Variants in COL6A5 observed in about 807,000 individuals in gnomAD.
COL6A5 encodes collagen alpha-5(VI) chain.
Under a neutral mutation model 65.6 loss-of-function variants are expected in COL6A5, and 48 were observed. The observed-to-expected ratio is 0.73, with a 90% confidence interval of 0.58 to 0.93. The LOEUF is 0.93. Among genes scored for constraint, COL6A5 ranks in the 40% least tolerant of loss-of-function variants. The pLI is 0.00. For synonymous variants in COL6A5, 291 were observed against 322.8 expected (o/e 0.90, Z 1.05); for missense variants, 914 against 928.3 (o/e 0.98, Z 0.20).
intron 7 of COL6A5, among the ~76,000 whole-genome samples, chr3:130,471,386 TG>T (rs2107616878): frequency 6.6e-6 from 1 of 152,188 alleles, no homozygotes; most frequent in South Asian, 2.1e-4. Context: ...ATATGAAGAT[TG>T]GCAGGAAGGA....
intron 4 of COL6A5, among the ~76,000 whole-genome samples, chr3:130,450,597 AACGCATGG>A (rs753880940): frequency 2.3e-4 from 35 of 152,170 alleles, no homozygotes; most frequent in Admixed American, 1.0e-3. Context: ...CGTTGGACAG[AACGCATGG>A]CCATTTTACA....
chr3:130,416,808 T>C (rs372727175), exon 24 of COL6A5: 4 of 1,515,818 alleles, frequency 2.6e-6, no homozygotes, highest in Non-Finnish European at 3.5e-6. Flanking sequence ...ACCTGGACTT[T>C]TGGGGAAAAA....
intron 13 of COL6A5, 67 bp downstream of exon 13, chr3:130,403,729 AAACAC>A: frequency 8.6e-7 from 1 of 1,163,544 alleles, no homozygotes; most frequent in Non-Finnish European, 1.2e-6. Context: ...ACACACACAC[AAACAC>A]ACACTTATTT....
chr3:130,394,932 G>T, exon 8 of COL6A5: 1 of 1,551,424 alleles, frequency 6.4e-7, no homozygotes, highest in Non-Finnish European at 8.7e-7. Context: ...CTTTGCGATG[G>T]CTCTGACAGG....
intron 11 of COL6A5, among the ~76,000 whole-genome samples, chr3:130,401,398 A>G (rs1404296231): frequency 6.6e-6 from 1 of 152,250 alleles, no homozygotes; most frequent in Non-Finnish European, 1.5e-5. Context: ...CTAAAAAACC[A>G]ACCAACTCAT....
chr3:130,376,598 G>A (rs774149097), exon 3 of COL6A5: 31 of 1,608,840 alleles, frequency 1.9e-5, no homozygotes, highest in East Asian at 6.7e-5. Flanking sequence ...TCCTGGCTTC[G>A]GCTGAGTCTG....
In COL6A5 at chr3:130,443,457, A is replaced by G. The variant is rs1318570951; in HGVS notation, c.1242-19A>G. On this transcript the variant is annotated intron_variant, in intron 3 of 7. Coordinates refer to ENST00000512836, the Ensembl canonical transcript of COL6A5. ...ATTTCCAGTTTTAAAATCTAACTAT[A>G]ACTTTGTTCTCTCAATAGGGGGATT... The G allele has an allele frequency of 6.5e-7, 1 of 1,548,502 alleles. No individual in the cohort carries two copies. Among genetic ancestry groups the G allele is most frequent in the African/African-American group, 1.4e-5 (1 of 73,510 alleles).
upstream of COL6A5, among the ~76,000 whole-genome samples, chr3:130,427,891 G>A (rs770991612): frequency 6.6e-6 from 1 of 151,976 alleles, no homozygotes; most frequent in Admixed American, 6.6e-5. Context: ...AGGAGATAGT[G>A]GGAAAGGCCC....
rs183445968 is a variant in COL6A5 at position 130,363,426 on chromosome 3, G to C, written c.-28-10185G>C. ...AGTCCTTTAGTGAGCCTGTGTTCCCGAGCTATGAACTTTACAAATGCCTCT... is the reference window on the plus strand; with the variant it reads ...AGTCCTTTAGTGAGCCTGTGTTCCCCAGCTATGAACTTTACAAATGCCTCT... On this transcript the variant is annotated intron_variant and NMD_transcript_variant, in intron 1 of 41. Coordinates refer to the COL6A5 transcript ENST00000312481. Among the ~76,000 whole-genome samples the C allele has an allele frequency of 1.1e-3, 161 of 152,202 alleles. 1 individual carries two copies. Among genetic ancestry groups the C allele is most frequent in the African/African-American group, 3.8e-3 (159 of 41,540 alleles).
chr3:130,431,648 G>A (rs558434267), exon 1 of COL6A5: 1 of 1,551,544 alleles, frequency 6.4e-7, no homozygotes, highest in East Asian at 2.4e-5. Flanking sequence ...TCAGGCACCA[G>A]CTATCTCATC....
chr3:130,467,934 G>T (rs1709855957), intron 5 of COL6A5, among the ~76,000 whole-genome samples: 1 of 151,926 alleles, frequency 6.6e-6, no homozygotes, highest in African/African-American at 2.4e-5. Flanking sequence ...TTCCAAACTG[G>T]CATTTCCTGT....
chr3:130,421,465 C>A, intron 27 of COL6A5, 105 bp downstream of exon 27: 1 of 1,078,000 alleles, frequency 9.3e-7, no homozygotes, highest in Non-Finnish European at 1.4e-6. Context: ...AAGGAGAAAC[C>A]AAGGACAGTT....
Position 130,389,637 on chromosome 3 carries a change from A to G in COL6A5, c.2416+503A>G, listed in dbSNP as rs560422325. 2.0e-5 allele frequency among the ~76,000 whole-genome samples: 3 copies of G among 151,910 alleles called. No individual in the cohort carries two copies. The East Asian group carries it at 5.8e-4, about 29-fold the overall frequency. On this transcript the variant is annotated intron_variant and NMD_transcript_variant, in intron 6 of 41. Transcript: ENST00000312481. ...CTTCACATTATTATTCTTAACCTCTATCAACTGGATATTTTATATTTGCCT... is the reference window on the plus strand; with the variant it reads ...CTTCACATTATTATTCTTAACCTCTGTCAACTGGATATTTTATATTTGCCT...
At chr3:130,455,160 A>AAAC (rs1559912820) in intron 4 of COL6A5, among the ~76,000 whole-genome samples, 4 of 151,788 alleles carry the variant, frequency 2.6e-5, no homozygotes, top group African/African-American at 9.7e-5. Flanking sequence ...CAAAAAAAAA[A>AAAC]AAACAAACAA....
chr3:130,376,062 G>T (rs574911572), intron 2 of COL6A5, among the ~76,000 whole-genome samples, 175 bp from the exon 3 acceptor site: 138 of 152,250 alleles, frequency 9.1e-4, no homozygotes, highest in African/African-American at 2.8e-3. Context: ...AAGCCCTTTT[G>T]TTTGACATTT....
At chr3:130,439,830 A>G (rs947501229) in intron 2 of COL6A5, among the ~76,000 whole-genome samples, 9 of 137,540 alleles carry the variant, frequency 6.5e-5, no homozygotes, top group African/African-American at 2.2e-4. Context: ...ATCCCAACCA[A>G]TGTAGCATTT....
At chr3:130,401,557 C>T (rs760710380) in intron 11 of COL6A5, among the ~76,000 whole-genome samples, 4 of 152,210 alleles carry the variant, frequency 2.6e-5, no homozygotes, top group African/African-American at 9.6e-5. Context: ...ATCATTTCCT[C>T]TGGAGAGGCG....
At chr3:130,395,392 C>T in exon 8 of COL6A5, 1 of 1,547,746 alleles carries the variant, frequency 6.5e-7, no homozygotes, top group South Asian at 1.2e-5. Context: ...CTTTTCAAGA[C>T]TTTGATAAAT....
At chr3:130,398,813 A>G (rs1248289916) in intron 10 of COL6A5, among the ~76,000 whole-genome samples, 1 of 152,184 alleles carries the variant, frequency 6.6e-6, no homozygotes, top group Non-Finnish European at 1.5e-5. Flanking sequence ...AGAGTCCCTC[A>G]TGAATCAGGC....
Sources: allele counts gnomAD v4.1 joint callset (sites outside exome capture counted in the v4.1 genomes callset), GRCh38; gene constraint gnomAD v4.1.1; transcripts MANE v1.5; gene names NCBI Gene and HGNC (gene_info 2026-07-23, HGNC 2026-07-21).